The following ANAPC10 variants were observed in gnomAD, a reference collection of about 807,000 sequenced individuals.
ANAPC10 encodes the protein anaphase promoting complex subunit 10.
Under a neutral mutation model 22.0 loss-of-function variants are expected in ANAPC10, and 12 were observed. That is an observed-to-expected ratio of 0.55 (90% confidence interval 0.35 to 0.88). The LOEUF (loss-of-function observed/expected upper bound fraction) is 0.88, where lower values mean the gene tolerates loss of function less well. Ranked by LOEUF, ANAPC10 falls within the 40% of genes least tolerant of loss-of-function variation. The pLI, the probability that ANAPC10 is intolerant of heterozygous loss-of-function variation, is 0.01. For missense variants in ANAPC10, 188 were observed against 220.9 expected (o/e 0.85, Z 0.94); for synonymous variants, 65 against 69.5 (o/e 0.94, Z 0.32).
chr4:145,017,415 A>G (rs1296377224), intron 4 of ANAPC10, among the ~76,000 whole-genome samples: 2 of 152,234 alleles, frequency 1.3e-5, no homozygotes, highest in African/African-American at 4.8e-5. Context: ...CAAAACCACA[A>G]TGAGATACTA....
intron 4 of ANAPC10, among the ~76,000 whole-genome samples, chr4:145,026,818 C>G (rs1366462617): frequency 1.3e-5 from 2 of 148,576 alleles, no homozygotes; most frequent in Non-Finnish European, 3.0e-5. Context: ...TAACATATTG[C>G]ATCCATGAAA....
In ANAPC10 at chr4:145,093,645, C is replaced by T. The variant is rs571789850; in HGVS notation, c.115+2340G>A. ...AATTTCAATAGAGATGAAAATTCTA[C>T]GAGTCAAATGGAAGAGCTACAAATA... is the stretch of plus-strand genomic sequence containing the variant. On this transcript the variant is annotated intron_variant, in intron 2 of 4. Coordinates refer to ENST00000507656, the MANE Select transcript of ANAPC10 (RefSeq NM_001256706.2). 1.8e-4 allele frequency among the ~76,000 whole-genome samples: 27 copies of T among 149,820 alleles called. No individual in the cohort carries two copies. In the East Asian group the frequency reaches 3.1e-3, roughly 17 times the overall value.
At chr4:145,021,549 T>G (rs911285168) in intron 4 of ANAPC10, among the ~76,000 whole-genome samples, 1 of 152,148 alleles carries the variant, frequency 6.6e-6, no homozygotes, top group Admixed American at 6.6e-5. Context: ...GACTTAAATC[T>G]AACACCTGAA....
intron 3 of ANAPC10, among the ~76,000 whole-genome samples, chr4:145,071,234 C>T (rs1337500021): frequency 6.6e-6 from 1 of 152,098 alleles, no homozygotes; most frequent in Non-Finnish European, 1.5e-5. Context: ...TGGAGAAACC[C>T]CATCTCTATT....
intron 2 of ANAPC10, among the ~76,000 whole-genome samples, chr4:145,095,636 ATC>A (rs890699917): frequency 6.6e-6 from 1 of 152,180 alleles, no homozygotes; most frequent in Non-Finnish European, 1.5e-5. Context: ...TAGACATTTT[ATC>A]TCTCACATCA....
chr4:145,029,052 GGTGTCTACT>G (rs1468416164), intron 4 of ANAPC10, among the ~76,000 whole-genome samples: 1 of 152,142 alleles, frequency 6.6e-6, no homozygotes, highest in Non-Finnish European at 1.5e-5. Context: ...AGCCTCGCCA[GGTGTCTACT>G]GTTAAAGTGA....
At chr4:145,075,351 T>C in intron 3 of ANAPC10, among the ~76,000 whole-genome samples, 1 of 152,326 alleles carries the variant, frequency 6.6e-6, no homozygotes, top group East Asian at 1.9e-4. Flanking sequence ...TATTTACTAA[T>C]AAAGAGACTA....
intron 2 of ANAPC10, among the ~76,000 whole-genome samples, chr4:145,094,918 C>T (rs191878636): frequency 9.2e-5 from 14 of 152,028 alleles, no homozygotes; most frequent in Non-Finnish European, 1.8e-4. Context: ...AATTCTATCC[C>T]AACAAAGAGT....
At chr4:145,026,945 A>ATATATATATGTGTGTG (rs1287102797) in intron 4 of ANAPC10, among the ~76,000 whole-genome samples, 1 of 17,156 alleles carries the variant, frequency 5.8e-5, no homozygotes, top group East Asian at 3.0e-3. Context: ...ATATATATAT[A>ATATATATATGTGTGTG]TGTGTGTGTG....
chr4:145,087,406 G>C (rs1322893171), intron 2 of ANAPC10, among the ~76,000 whole-genome samples: 5 of 151,826 alleles, frequency 3.3e-5, no homozygotes, highest in African/African-American at 7.3e-5. Flanking sequence ...GCCCTGGCTG[G>C]AGTACAGTGG....
intron 3 of ANAPC10, among the ~76,000 whole-genome samples, chr4:145,072,194 A>G (rs1300950351): frequency 4.6e-5 from 7 of 152,208 alleles, no homozygotes; most frequent in Non-Finnish European, 7.3e-5. Context: ...AAATAAACAT[A>G]AAACTGGGTA....
chr4:145,025,342 C>G (rs1041846403), intron 4 of ANAPC10, among the ~76,000 whole-genome samples: 22 of 148,522 alleles, frequency 1.5e-4, no homozygotes, highest in African/African-American at 9.8e-5. Context: ...GCCCCCCCCC[C>G]CTTTTAAGCT....
intron 4 of ANAPC10, among the ~76,000 whole-genome samples, chr4:145,039,285 C>A (rs1049405562): frequency 5.3e-5 from 8 of 152,196 alleles, no homozygotes; most frequent in Non-Finnish European, 5.9e-5. Flanking sequence ...GCAAGGTTAT[C>A]GCAATCCTAT....
intron 3 of ANAPC10, among the ~76,000 whole-genome samples, chr4:145,075,857 G>C (rs1030328660): frequency 2.6e-5 from 4 of 152,188 alleles, no homozygotes; most frequent in Non-Finnish European, 5.9e-5. Context: ...GCACAGCCAG[G>C]GATGCCTGTC....
intron 4 of ANAPC10, among the ~76,000 whole-genome samples, chr4:144,999,631 G>A (rs932903562): frequency 3.3e-5 from 5 of 152,122 alleles, no homozygotes; most frequent in African/African-American, 1.2e-4. Flanking sequence ...CAGTGCCCAA[G>A]GTAATTTATA....
chr4:145,060,237 A>G (rs1233845680), intron 4 of ANAPC10, among the ~76,000 whole-genome samples: 1 of 152,086 alleles, frequency 6.6e-6, no homozygotes, highest in Non-Finnish European at 1.5e-5. Context: ...CATTAAAAAT[A>G]TTCTGTTTGG....
chr4:145,087,373 T>C (rs1038441252), intron 2 of ANAPC10, among the ~76,000 whole-genome samples: 2 of 152,198 alleles, frequency 1.3e-5, no homozygotes, highest in African/African-American at 4.8e-5. Flanking sequence ...TTCTTTTTTT[T>C]TGAGACAGGG....
intron 4 of ANAPC10, among the ~76,000 whole-genome samples, chr4:145,017,096 G>C (rs548003062): frequency 6.6e-6 from 1 of 152,074 alleles, no homozygotes; most frequent in African/African-American, 2.4e-5. Context: ...AAAAGCAATC[G>C]CAACAAAAGC....
intron 4 of ANAPC10, among the ~76,000 whole-genome samples, chr4:144,999,456 AT>A (rs1212518986): frequency 6.6e-6 from 1 of 152,216 alleles, no homozygotes; most frequent in African/African-American, 2.4e-5. Context: ...AGAAAATAAA[AT>A]ACCTAGGAAT....
Sources: allele counts gnomAD v4.1 joint callset (sites outside exome capture counted in the v4.1 genomes callset), GRCh38; gene constraint gnomAD v4.1.1; transcripts MANE v1.5; gene names NCBI Gene and HGNC (gene_info 2026-07-23, HGNC 2026-07-21).